The following TNNI3K variants were observed in gnomAD, a reference collection of about 807,000 sequenced individuals.
TNNI3K encodes the protein TNNI3 interacting kinase, also known as serine/threonine-protein kinase TNNI3K.
Under a neutral mutation model 114.5 loss-of-function variants are expected in TNNI3K, and 140 were observed. The ratio of observed to expected loss-of-function variants is 1.22; its 90% confidence interval spans 1.07 to 1.41. The LOEUF (loss-of-function observed/expected upper bound fraction) is 1.41, where lower values mean the gene tolerates loss of function less well. Among genes scored for constraint, TNNI3K ranks in the 40% most tolerant of loss-of-function variants. The pLI, the probability that TNNI3K is intolerant of heterozygous loss-of-function variation, is 0.00. For missense variants in TNNI3K, 1,125 were observed against 1,007.6 expected, an observed-to-expected ratio of 1.12 and a Z score of -1.58; for synonymous variants, 347 against 347.5, an observed-to-expected ratio of 1.00 and a Z score of 0.02.
At chr1:74,453,919 A>AT (rs1360380135) in intron 20 of TNNI3K, among the ~76,000 whole-genome samples, 1 of 152,274 alleles carries the variant, frequency 6.6e-6, no homozygotes, top group African/African-American at 2.4e-5. Flanking sequence ...AAATCTATAC[A>AT]TTTTTTAATG....
At chr1:74,315,062 C>A (rs1659234101) in intron 5 of TNNI3K, among the ~76,000 whole-genome samples, 1 of 152,078 alleles carries the variant, frequency 6.6e-6, no homozygotes, top group Non-Finnish European at 1.5e-5. Flanking sequence ...GAAAATACAA[C>A]CCATTATAAC....
intron 20 of TNNI3K, 99 bp from the exon 21 acceptor site, chr1:74,463,342 C>T (rs1326328205): frequency 3.9e-6 from 5 of 1,286,572 alleles, no homozygotes; most frequent in Non-Finnish European, 5.6e-6. Flanking sequence ...TGATGTTGCT[C>T]AGATTGATTT....
At chr1:74,281,287 A>G (rs1656997696) in intron 5 of TNNI3K, among the ~76,000 whole-genome samples, 1 of 150,788 alleles carries the variant, frequency 6.6e-6, no homozygotes, top group Admixed American at 6.6e-5. Flanking sequence ...CTTGGCCTCA[A>G]TTTTCTAGTT....
intron 5 of TNNI3K, among the ~76,000 whole-genome samples, chr1:74,290,198 G>A (rs937311119): frequency 2.6e-5 from 3 of 113,762 alleles, no homozygotes; most frequent in South Asian, 3.2e-4. Flanking sequence ...AATGTATTTT[G>A]CCATTCTATA....
intron 2 of TNNI3K, among the ~76,000 whole-genome samples, chr1:74,241,033 T>G (rs1405130163): frequency 6.6e-6 from 1 of 152,130 alleles, no homozygotes; most frequent in Admixed American, 6.6e-5. Flanking sequence ...TTTGGTTTTT[T>G]GTCCTTGCAA....
intron 20 of TNNI3K, among the ~76,000 whole-genome samples, chr1:74,443,373 A>G (rs1166744727): frequency 6.6e-6 from 1 of 152,196 alleles, no homozygotes; most frequent in African/African-American, 2.4e-5. Flanking sequence ...AGAGAATACT[A>G]TAAACACCTC....
In TNNI3K at chr1:74,353,312, G is replaced by A. The variant is rs567450408; in HGVS notation, c.979G>A (p.Asp327Asn). The A allele has an allele frequency of 2.5e-5, 41 of 1,613,200 alleles. No homozygotes were observed. The South Asian group carries it at 4.2e-4, about 16-fold the overall frequency. The change falls in exon 10 of 25, where the codon GAT becomes AAT. Residue 327 changes from aspartate to asparagine, a missense_variant. By Grantham distance (23) the Asp-to-Asn change is conservative (BLOSUM62 1). Coordinates refer to ENST00000326637, the MANE Select transcript of TNNI3K (RefSeq NM_015978.3). The stretch of plus-strand genomic sequence containing the variant: ...CATTGACCTAGTCAAATTTCTTCTT[G>A]ATCAGAATGTCATAAACATCAACCA... ...KSIDLVKFLL[D>N]QNVININHQG...
At chr1:74,441,811 CTCA>C (rs1288530209) in intron 20 of TNNI3K, among the ~76,000 whole-genome samples, 1 of 151,970 alleles carries the variant, frequency 6.6e-6, no homozygotes, top group Non-Finnish European at 1.5e-5. Context: ...TTTAAATAGT[CTCA>C]TCATTTAGTT....
chr1:74,522,746 A>G (rs928064232), intron 23 of TNNI3K, among the ~76,000 whole-genome samples: 2 of 152,148 alleles, frequency 1.3e-5, no homozygotes, highest in Non-Finnish European at 2.9e-5. Flanking sequence ...TGATCATTTG[A>G]TTCAAATCTG....
chr1:74,456,699 A>G (rs1416475295), intron 20 of TNNI3K, among the ~76,000 whole-genome samples: 1 of 152,164 alleles, frequency 6.6e-6, no homozygotes. Flanking sequence ...GTTCACAAAG[A>G]GATTTAACTC....
chr1:74,278,923 G>A (rs1259032862), intron 5 of TNNI3K, among the ~76,000 whole-genome samples: 1 of 152,014 alleles, frequency 6.6e-6, no homozygotes, highest in African/African-American at 2.4e-5. Flanking sequence ...TTTTCAGTAA[G>A]GTTGATTTCT....
intron 20 of TNNI3K, among the ~76,000 whole-genome samples, chr1:74,454,913 A>G (rs116600543): frequency 6.6e-6 from 1 of 152,222 alleles, no homozygotes; most frequent in African/African-American, 2.4e-5. Flanking sequence ...TAATAATAAG[A>G]CCTACTTCAA....
intron 21 of TNNI3K, among the ~76,000 whole-genome samples, chr1:74,483,985 A>G (rs979769889): frequency 2.0e-5 from 3 of 152,164 alleles, no homozygotes; most frequent in African/African-American, 7.2e-5. Flanking sequence ...ATTATCTTAG[A>G]AAAAAATATT....
chr1:74,512,332 G>C (rs1035771170), intron 23 of TNNI3K, among the ~76,000 whole-genome samples: 2 of 152,124 alleles, frequency 1.3e-5, no homozygotes, highest in African/African-American at 4.8e-5. Context: ...CTAGAACTGT[G>C]CAAAACAGGC....
chr1:74,516,148 T>A (rs1009785620), intron 23 of TNNI3K, among the ~76,000 whole-genome samples: 1 of 152,174 alleles, frequency 6.6e-6, no homozygotes, highest in African/African-American at 2.4e-5. Flanking sequence ...TGATAATAAC[T>A]CTGGTATTTC....
chr1:74,393,777 G>T (rs1368176035), intron 17 of TNNI3K, among the ~76,000 whole-genome samples: 1 of 152,122 alleles, frequency 6.6e-6, no homozygotes, highest in Admixed American at 6.5e-5. Context: ...ATAGTTTCAG[G>T]ATGAAACTAT....
At chr1:74,439,469 T>G (rs1666278990) in intron 19 of TNNI3K, 21 bp from the exon 20 acceptor site, 1 of 1,606,750 alleles carries the variant, frequency 6.2e-7, no homozygotes, top group Non-Finnish European at 8.5e-7. Flanking sequence ...AAATGGCTTG[T>G]GGATGTTTCT....
chr1:74,292,323 T>C (rs1657731614), intron 5 of TNNI3K, among the ~76,000 whole-genome samples: 1 of 151,578 alleles, frequency 6.6e-6, no homozygotes. Flanking sequence ...GCTTAGCTTA[T>C]TAATATTTAG....
chr1:74,524,138 C>T (rs1646470933), intron 23 of TNNI3K, among the ~76,000 whole-genome samples: 1 of 152,186 alleles, frequency 6.6e-6, no homozygotes, highest in South Asian at 2.1e-4. Context: ...GTGGCAGTGC[C>T]CACAAAGGCT....
Sources: allele counts gnomAD v4.1 joint callset (sites outside exome capture counted in the v4.1 genomes callset), GRCh38; gene constraint gnomAD v4.1.1; transcripts MANE v1.5; gene names NCBI Gene and HGNC (gene_info 2026-07-23, HGNC 2026-07-21).